Variants in SEMA6D observed in about 807,000 individuals in gnomAD.
The protein encoded by SEMA6D is semaphorin-6D.
SEMA6D carries 35 observed loss-of-function variants against 106.6 expected under a neutral mutation model. That is an observed-to-expected ratio of 0.33 (90% CI 0.25 to 0.44). The LOEUF is 0.44. Ranked by LOEUF, SEMA6D falls within the 20% of genes least tolerant of loss-of-function variation. The pLI is 1.00. For missense variants in SEMA6D, 1,185 were observed against 1,345.9 expected (o/e 0.88, Z 1.87); for synonymous variants, 499 against 487.7 (o/e 1.02, Z -0.31).
chr15:47,578,222 A>C (rs2076190760), intron 3 of SEMA6D, among the ~76,000 whole-genome samples: 1 of 152,210 alleles, frequency 6.6e-6, no homozygotes. Flanking sequence ...AATTCAGCTA[A>C]TGAGTCTTAC....
intron 1 of SEMA6D, among the ~76,000 whole-genome samples, chr15:47,405,211 T>C (rs1330719892): frequency 6.6e-6 from 1 of 151,976 alleles, no homozygotes; most frequent in Non-Finnish European, 1.5e-5. Flanking sequence ...GAGTGGAGTG[T>C]GTTAGTAGCA....
In SEMA6D at chr15:47,766,101, A is replaced by C; in HGVS notation, c.1569-4A>C. 2.5e-6 allele frequency: 4 copies of C among 1,613,692 alleles called. No individual in the cohort carries two copies. The highest frequency in any genetic ancestry group is 3.4e-6 in the Non-Finnish European group (4 of 1,179,708). ...CAAGTTACATTCTGTTTGGTTTTAC[A>C]CAGGTCTTGTATTGCATCTCGTGAC... On this transcript the variant is annotated splice_polypyrimidine_tract_variant and splice_region_variant and intron_variant, in intron 14 of 18. Transcript: ENST00000536845.
intron 3 of SEMA6D, among the ~76,000 whole-genome samples, chr15:47,561,743 ATAT>A (rs145358192): frequency 0.11 from 16,001 of 151,632 alleles, 1,260 homozygotes; most frequent in African/African-American, 0.22. Flanking sequence ...TAATTTTAAA[ATAT>A]TATGTAAGAT....
chr15:47,315,368 A>G (rs139866275), intron 1 of SEMA6D, among the ~76,000 whole-genome samples: 282 of 152,220 alleles, frequency 1.9e-3, no homozygotes, highest in Non-Finnish European at 2.9e-3. Context: ...GCTCCACTGT[A>G]TTGCCTTTGC....
At chr15:47,422,180 G>GCCTTCCTTCCTT (rs68039702) in intron 2 of SEMA6D, among the ~76,000 whole-genome samples, 2,383 of 112,820 alleles carry the variant, frequency 0.021, 92 homozygotes, top group East Asian at 0.11. Flanking sequence ...CCGCCTGCCT[G>GCCTTCCTTCCTT]CCTTCCTTCC....
chr15:47,649,172 G>A (rs1462134986), intron 4 of SEMA6D, among the ~76,000 whole-genome samples: 2 of 152,168 alleles, frequency 1.3e-5, no homozygotes, highest in African/African-American at 4.8e-5. Flanking sequence ...AGCTATGGGA[G>A]AGTTTAGGTA....
chr15:47,286,984 A>C (rs539608019), intron 1 of SEMA6D, among the ~76,000 whole-genome samples: 2 of 152,092 alleles, frequency 1.3e-5, no homozygotes, highest in African/African-American at 4.8e-5. Flanking sequence ...TCTGACATAC[A>C]TTTCTCCCCC....
At chr15:47,435,692 C>G (rs1401160384) in intron 2 of SEMA6D, among the ~76,000 whole-genome samples, 2 of 152,040 alleles carry the variant, frequency 1.3e-5, no homozygotes, top group Non-Finnish European at 2.9e-5. Context: ...TACCCTTTTC[C>G]CTTTCATTGA....
At chr15:47,288,627 A>G (rs1053619098) in intron 1 of SEMA6D, among the ~76,000 whole-genome samples, 25 of 152,184 alleles carry the variant, frequency 1.6e-4, no homozygotes, top group African/African-American at 5.8e-4. Flanking sequence ...TGAGTGAGTT[A>G]GTGAATGAAT....
At chr15:47,559,362 G>A (rs546054541) in intron 3 of SEMA6D, among the ~76,000 whole-genome samples, 41 of 152,126 alleles carry the variant, frequency 2.7e-4, no homozygotes, top group African/African-American at 9.6e-4. Flanking sequence ...AAATTAAGAA[G>A]CATTTATTCA....
chr15:47,195,650 T>G (rs1237239971), intron 1 of SEMA6D, among the ~76,000 whole-genome samples: 1 of 152,166 alleles, frequency 6.6e-6, no homozygotes, highest in Non-Finnish European at 1.5e-5. Context: ...GAGACTTTCC[T>G]AATGTCCTTT....
At chr15:47,223,342 G>A (rs2031377757) in intron 1 of SEMA6D, among the ~76,000 whole-genome samples, 1 of 151,886 alleles carries the variant, frequency 6.6e-6, no homozygotes, top group African/African-American at 2.4e-5. Context: ...CTTTTCATCG[G>A]TTTTCTCTGT....
At chr15:47,215,961 T>C (rs1293736209) in intron 1 of SEMA6D, among the ~76,000 whole-genome samples, 1 of 152,170 alleles carries the variant, frequency 6.6e-6, no homozygotes, top group Non-Finnish European at 1.5e-5. Flanking sequence ...TTTAAAATTA[T>C]AGAATCAGAC....
intron 1 of SEMA6D, among the ~76,000 whole-genome samples, chr15:47,279,848 G>C (rs1323159889): frequency 6.7e-6 from 1 of 149,762 alleles, no homozygotes; most frequent in Non-Finnish European, 1.5e-5. Context: ...TGCATATATT[G>C]AACCAGCCTT....
intron 4 of SEMA6D, among the ~76,000 whole-genome samples, chr15:47,691,753 C>CA (rs987619132): frequency 6.6e-5 from 10 of 151,518 alleles, no homozygotes; most frequent in Admixed American, 2.6e-4. Context: ...TTCATTTATT[C>CA]AAAAAAACCC....
intron 1 of SEMA6D, among the ~76,000 whole-genome samples, chr15:47,186,068 T>G (rs1227125728): frequency 6.6e-6 from 1 of 152,188 alleles, no homozygotes; most frequent in East Asian, 1.9e-4. Context: ...TGTATGTATG[T>G]GTGCATGTAT....
chr15:47,754,303 A>G (rs1349704377), intron 1 of SEMA6D, among the ~76,000 whole-genome samples: 1 of 152,232 alleles, frequency 6.6e-6, no homozygotes, highest in Non-Finnish European at 1.5e-5. Flanking sequence ...CCCTGCCTAA[A>G]GAACTCTCCT....
chr15:47,773,634 A>G lies in SEMA6D; in HGVS notation c.*1849A>G, dbSNP rs965319973. 6.6e-6 allele frequency: 1 copy of G among 152,522 alleles called. No homozygotes were observed. The highest frequency in any genetic ancestry group is 2.4e-5 in the African/African-American group (1 of 41,464). 9.4% of individuals were successfully genotyped at this position (152,522 alleles called of 1,614,324 possible). A position where few individuals can be genotyped will look rare whatever the true frequency, so the allele number is the denominator to read the frequency against. Reference sequence around the variant, plus strand: ...TTTTTATACAGAATGTGAAATACTGATACAGTTATTCTTTTTTTTAAAGAA... The same window carrying G: ...TTTTTATACAGAATGTGAAATACTGGTACAGTTATTCTTTTTTTTAAAGAA... On this transcript the variant is annotated 3_prime_UTR_variant, in exon 19 of 19. Coordinates refer to ENST00000536845, the MANE Select transcript of SEMA6D (RefSeq NM_001358351.3).
intron 1 of SEMA6D, among the ~76,000 whole-genome samples, chr15:47,255,773 A>G (rs1248351888): frequency 6.6e-6 from 1 of 152,136 alleles, no homozygotes; most frequent in African/African-American, 2.4e-5. Flanking sequence ...GAATAGCCCT[A>G]AATCTCAAAG....
Sources: gnomAD v4.1 joint callset for allele counts (sites outside exome capture counted in the v4.1 genomes callset) on GRCh38, gnomAD v4.1.1 for gene constraint, MANE v1.5 for transcripts, NCBI Gene and HGNC (gene_info 2026-07-23, HGNC 2026-07-21) for gene names.